Variants in GLT1D1 observed in about 807,000 individuals in gnomAD.
GLT1D1 encodes the protein glycosyltransferase 1 domain containing 1, also known as glycosyltransferase 1 domain-containing protein 1.
GLT1D1 carries 21 observed loss-of-function variants against 28.7 expected under a neutral mutation model. That is an observed-to-expected ratio of 0.73 (90% CI 0.52 to 1.05). The LOEUF is 1.05. GLT1D1 is among the 50% of genes least tolerant of loss of function. The pLI is 0.00. For synonymous variants in GLT1D1, 147 were observed against 124.8 expected (o/e 1.18, Z -1.19); for missense variants, 343 against 330.6 (o/e 1.04, Z -0.29).
intron 2 of GLT1D1, among the ~76,000 whole-genome samples, chr12:128,882,459 T>C (rs1957081803): frequency 6.6e-6 from 1 of 152,026 alleles, no homozygotes; most frequent in South Asian, 2.1e-4. Context: ...GTATTTTTAG[T>C]AGAGATGGGA....
intron 4 of GLT1D1, among the ~76,000 whole-genome samples, chr12:128,926,746 C>T (rs1232056784): frequency 6.6e-6 from 1 of 152,148 alleles, no homozygotes; most frequent in African/African-American, 2.4e-5. Context: ...AAATATTTCA[C>T]ACATGCTGAT....
intron 4 of GLT1D1, among the ~76,000 whole-genome samples, chr12:128,901,184 A>T (rs1338682292): frequency 2.0e-5 from 3 of 152,236 alleles, no homozygotes; most frequent in Non-Finnish European, 4.4e-5. Context: ...ATATTCGCTG[A>T]TTAGTCACCA....
intron 3 of GLT1D1, among the ~76,000 whole-genome samples, chr12:128,897,812 G>A (rs183275422): frequency 0.019 from 2,891 of 152,108 alleles, 38 homozygotes; most frequent in Non-Finnish European, 0.029. Context: ...GGGACTACAG[G>A]CGCCCGCCAC....
At chr12:128,968,570 T>G (rs1196223958) in intron 7 of GLT1D1, among the ~76,000 whole-genome samples, 1 of 147,070 alleles carries the variant, frequency 6.8e-6, no homozygotes, top group Non-Finnish European at 1.5e-5. Flanking sequence ...GGCTGAGGCA[T>G]GAGAATCACT....
At chr12:128,853,700 C>T in intron 1 of GLT1D1, 51 bp downstream of exon 1, 4 of 1,024,512 alleles carry the variant, frequency 3.9e-6, no homozygotes, top group East Asian at 1.4e-4. Flanking sequence ...GGCCGGGGGG[C>T]GGGGACGCGG....
chr12:128,903,964 T>C (rs967686396), intron 4 of GLT1D1, among the ~76,000 whole-genome samples: 1 of 151,690 alleles, frequency 6.6e-6, no homozygotes, highest in Non-Finnish European at 1.5e-5. Flanking sequence ...CTCCTGACCA[T>C]GTGATCCGCC....
chr12:128,907,310 T>A (rs1328362000), intron 4 of GLT1D1, among the ~76,000 whole-genome samples: 6 of 150,440 alleles, frequency 4.0e-5, no homozygotes, highest in Admixed American at 2.6e-4. Flanking sequence ...AATCTTTTTT[T>A]TTTTTTTTTT....
chr12:128,920,706 G>T (rs1872583325), intron 4 of GLT1D1, among the ~76,000 whole-genome samples: 1 of 152,204 alleles, frequency 6.6e-6, no homozygotes, highest in Non-Finnish European at 1.5e-5. Flanking sequence ...GAGTGTAGCT[G>T]TTGGCAGCAA....
intron 6 of GLT1D1, among the ~76,000 whole-genome samples, chr12:128,951,131 G>A (rs989987441): frequency 2.0e-5 from 3 of 152,102 alleles, no homozygotes; most frequent in Non-Finnish European, 2.9e-5. Context: ...GGCCGGGCGC[G>A]GTGGCTCACG....
intron 7 of GLT1D1, among the ~76,000 whole-genome samples, chr12:128,972,314 C>T (rs993652317): frequency 3.3e-5 from 5 of 152,258 alleles, no homozygotes; most frequent in African/African-American, 1.2e-4. Flanking sequence ...GCTCCAGCTC[C>T]ACGTGTAGGT....
At chr12:128,945,418 GGCCCCTGGGTT>G in intron 5 of GLT1D1, 49 bp downstream of exon 9, 1 of 1,454,694 alleles carries the variant, frequency 6.9e-7, no homozygotes, top group Non-Finnish European at 9.7e-7. Context: ...AAGCCTGAGT[GGCCCCTGGGTT>G]ACCTGAACTC....
intron 4 of GLT1D1, among the ~76,000 whole-genome samples, chr12:128,917,023 G>A (rs1872169982): frequency 6.6e-6 from 1 of 152,086 alleles, no homozygotes; most frequent in African/African-American, 2.4e-5. Context: ...ATTACTATTT[G>A]TGTGTTGTAT....
At chr12:128,896,726 T>G (rs1310013657) in intron 3 of GLT1D1, among the ~76,000 whole-genome samples, 1 of 152,018 alleles carries the variant, frequency 6.6e-6, no homozygotes, top group Non-Finnish European at 1.5e-5. Flanking sequence ...ATTACAGGCA[T>G]GCACCACCAT....
chr12:128,946,887 G>T (rs1047724004), intron 5 of GLT1D1, among the ~76,000 whole-genome samples: 2 of 147,826 alleles, frequency 1.4e-5, no homozygotes, highest in Non-Finnish European at 3.0e-5. Context: ...GATCTCAGGT[G>T]ATCTGCCCGC....
intron 4 of GLT1D1, among the ~76,000 whole-genome samples, chr12:128,917,083 G>A (rs371554639): frequency 7.2e-5 from 11 of 152,142 alleles, no homozygotes; most frequent in East Asian, 5.8e-4. Flanking sequence ...TGGTTCCGGC[G>A]TCATTTATTG....
intron 1 of GLT1D1, among the ~76,000 whole-genome samples, chr12:128,868,344 G>A (rs574328820): frequency 2.0e-5 from 3 of 152,330 alleles, no homozygotes; most frequent in African/African-American, 7.2e-5. Flanking sequence ...GCATGAGCCT[G>A]CAGGAGCACC....
At chr12:128,854,292 C>T (rs1280497621) in intron 1 of GLT1D1, among the ~76,000 whole-genome samples, 1 of 152,238 alleles carries the variant, frequency 6.6e-6, no homozygotes, top group Non-Finnish European at 1.5e-5. Flanking sequence ...CGCCGCCTCC[C>T]ACCCGCACAG....
chr12:128,909,494 G>A (rs1009615016), intron 4 of GLT1D1, among the ~76,000 whole-genome samples: 3 of 152,040 alleles, frequency 2.0e-5, no homozygotes, highest in Middle Eastern at 3.2e-3. Flanking sequence ...GTTTGTAATC[G>A]TTTTACAAGT....
Position 128,901,410 on chromosome 12 carries a change from G to A in GLT1D1, c.375+2123G>A, listed in dbSNP as rs61159331. Among the ~76,000 whole-genome samples, 874 of 143,368 alleles carry A rather than the reference G, an allele frequency of 6.1e-3. 11 individuals are homozygous for A. The highest frequency in any genetic ancestry group is 0.022 in the African/African-American group (839 of 38,614). The allele number at this position is 143,368 out of a possible 152,430, so 94.1% of individuals were successfully genotyped here. On this transcript the variant is annotated intron_variant, in intron 4 of 7. Coordinates refer to ENST00000281703, the MANE Select transcript of GLT1D1 (RefSeq NM_144669.3). ...GCTAGGATTACAGGCGTGAGCCACC[G>A]CGCCTGACCTTTTCTCTCTCTCTCT...
Sources: allele counts gnomAD v4.1 joint callset (sites outside exome capture counted in the v4.1 genomes callset), GRCh38; gene constraint gnomAD v4.1.1; transcripts MANE v1.5; gene names NCBI Gene and HGNC (gene_info 2026-07-23, HGNC 2026-07-21).